DIS3L2: variants seen among roughly 807,000 people sequenced by gnomAD.
DIS3L2 encodes the protein DIS3 like 3'-5' exoribonuclease 2.
Under a neutral mutation model 97.5 loss-of-function variants are expected in DIS3L2, and 34 were observed. The observed-to-expected ratio is 0.35, with a 90% confidence interval of 0.27 to 0.46. The LOEUF (loss-of-function observed/expected upper bound fraction) is 0.46, where lower values mean the gene tolerates loss of function less well. Among genes scored for constraint, DIS3L2 ranks in the 20% least tolerant of loss-of-function variants. DIS3L2 has a pLI of 1.00. For missense variants in DIS3L2, 1,038 were observed against 1,146.0 expected, an observed-to-expected ratio of 0.91 and a Z score of 1.36; for synonymous variants, 435 against 445.2, an observed-to-expected ratio of 0.98 and a Z score of 0.29.
chr2:232,216,731 T>C (rs553109612), intron 10 of DIS3L2, among the ~76,000 whole-genome samples: 93 of 152,302 alleles, frequency 6.1e-4, no homozygotes, highest in African/African-American at 2.1e-3. Flanking sequence ...AACACAGGCA[T>C]GAGAAGAGTT....
intron 1 of DIS3L2, among the ~76,000 whole-genome samples, chr2:231,974,198 T>G (rs1559506349): frequency 6.6e-6 from 1 of 152,070 alleles, no homozygotes; most frequent in Non-Finnish European, 1.5e-5. Context: ...CTTGTCTCTG[T>G]GTGCACAAGT....
chr2:232,014,897 T>C lies in DIS3L2; in HGVS notation c.-31T>C. ...GCTAAGCAGTGGAGGTTTCTCTGGA[T>C]CTGGAGAGAAGAGTGACCTTGGAGC... On this transcript the variant is annotated 5_prime_UTR_variant, in exon 2 of 21. Coordinates refer to ENST00000325385, the MANE Select transcript of DIS3L2 (RefSeq NM_152383.5). 6.2e-7 allele frequency: 1 copy of C among 1,612,768 alleles called. No homozygotes were observed. The highest frequency in any genetic ancestry group is 8.5e-7 in the Non-Finnish European group (1 of 1,179,330).
At chr2:232,006,911 C>G (rs1199711537) in intron 1 of DIS3L2, among the ~76,000 whole-genome samples, 2 of 152,172 alleles carry the variant, frequency 1.3e-5, no homozygotes, top group African/African-American at 2.4e-5. Context: ...GAGGATTTTT[C>G]TTTCTAGGAA....
At chr2:232,054,474 T>A (rs1371576734) in intron 5 of DIS3L2, among the ~76,000 whole-genome samples, 1 of 152,206 alleles carries the variant, frequency 6.6e-6, no homozygotes, top group Non-Finnish European at 1.5e-5. Context: ...TTTTCTAATT[T>A]GAAAGGAAAA....
At chr2:231,969,296 A>T (rs1394138422) in intron 1 of DIS3L2, among the ~76,000 whole-genome samples, 1 of 145,982 alleles carries the variant, frequency 6.9e-6, no homozygotes, top group Non-Finnish European at 1.5e-5. Context: ...CTTAGTTCTT[A>T]TTAGTCCTAG....
intron 6 of DIS3L2, among the ~76,000 whole-genome samples, chr2:232,115,252 A>G (rs562775966): frequency 3.3e-5 from 5 of 152,308 alleles, no homozygotes; most frequent in African/African-American, 1.2e-4. Context: ...TTCAAGGAAC[A>G]AAGGAATGCC....
intron 6 of DIS3L2, among the ~76,000 whole-genome samples, chr2:232,118,642 A>G (rs540021631): frequency 2.6e-5 from 4 of 152,156 alleles, no homozygotes; most frequent in Admixed American, 6.5e-5. Flanking sequence ...AGTTGCTCTC[A>G]TGTTTAATTC....
At chr2:232,117,448 A>G (rs550189934) in intron 6 of DIS3L2, among the ~76,000 whole-genome samples, 1 of 152,342 alleles carries the variant, frequency 6.6e-6, no homozygotes, top group Non-Finnish European at 1.5e-5. Context: ...ATGGAAGGGA[A>G]AGCACCTTAA....
chr2:231,986,769 A>C (rs932682561), intron 1 of DIS3L2, among the ~76,000 whole-genome samples: 1 of 152,226 alleles, frequency 6.6e-6, no homozygotes, highest in Admixed American at 6.5e-5. Context: ...TTTTGACTTC[A>C]GAAGCCTGTT....
At chr2:232,229,179 T>G (rs530874420) in intron 10 of DIS3L2, among the ~76,000 whole-genome samples, 2 of 152,336 alleles carry the variant, frequency 1.3e-5, no homozygotes, top group South Asian at 4.1e-4. Flanking sequence ...CAGTCCTGCC[T>G]CTTCTCTTTT....
chr2:232,210,266 T>G lies in DIS3L2; in HGVS notation c.1125-60T>G, dbSNP rs1040809575. The G allele has an allele frequency of 3.8e-6, 5 of 1,319,878 alleles. No homozygotes were observed. In the Admixed American group the frequency reaches 5.1e-5, roughly 13 times the overall value. The allele number at this position is 1,319,878 out of a possible 1,614,324, so 81.8% of individuals were successfully genotyped here. ...TTCACTGTTCTTTAAAGCTGTACTA[T>G]GGTGGGGTAAAGTTGCTATTATTTG... On this transcript the variant is annotated intron_variant, in intron 9 of 20. Coordinates refer to ENST00000325385, the MANE Select transcript of DIS3L2 (RefSeq NM_152383.5).
intron 13 of DIS3L2, among the ~76,000 whole-genome samples, chr2:232,285,097 T>G (rs1053917426): frequency 2.0e-5 from 3 of 152,192 alleles, no homozygotes; most frequent in Admixed American, 6.5e-5. Flanking sequence ...GATCTTAATT[T>G]TTGTTGTTGT....
chr2:232,134,636 A>T (rs1020744334), intron 7 of DIS3L2, among the ~76,000 whole-genome samples: 6 of 152,072 alleles, frequency 3.9e-5, no homozygotes, highest in African/African-American at 1.4e-4. Flanking sequence ...ACCAGCCTGG[A>T]CAACATAGTG....
At chr2:232,239,093 A>T (rs1693012453) in intron 11 of DIS3L2, among the ~76,000 whole-genome samples, 1 of 152,180 alleles carries the variant, frequency 6.6e-6, no homozygotes, top group Non-Finnish European at 1.5e-5. Context: ...GCCCATTACA[A>T]GATAGCTATG....
chr2:232,069,328 TAAAAGGGG>T (rs1258530066), intron 5 of DIS3L2, among the ~76,000 whole-genome samples: 1 of 152,252 alleles, frequency 6.6e-6, no homozygotes, highest in African/African-American at 2.4e-5. Flanking sequence ...GTTGTGATTC[TAAAAGGGG>T]AATAATCTTT....
At chr2:232,115,196 A>T (rs1697666462) in intron 6 of DIS3L2, among the ~76,000 whole-genome samples, 1 of 152,136 alleles carries the variant, frequency 6.6e-6, no homozygotes, top group African/African-American at 2.4e-5. Flanking sequence ...GGAAAGGGAC[A>T]AATATTCAAA....
chr2:232,034,036 A>G (rs949331649), intron 5 of DIS3L2, among the ~76,000 whole-genome samples: 1 of 152,206 alleles, frequency 6.6e-6, no homozygotes. Context: ...TACTTTCAGA[A>G]GGAATGATAC....
chr2:231,988,914 A>T (rs189363932), intron 1 of DIS3L2, among the ~76,000 whole-genome samples: 2 of 152,322 alleles, frequency 1.3e-5, no homozygotes, highest in Admixed American at 1.3e-4. Context: ...GAACCTAGGG[A>T]AAATTACTTT....
intron 5 of DIS3L2, among the ~76,000 whole-genome samples, chr2:232,039,337 T>C (rs1695044389): frequency 6.6e-6 from 1 of 152,194 alleles, no homozygotes; most frequent in South Asian, 2.1e-4. Flanking sequence ...TACAGGTTTG[T>C]TAGTACAAAA....
Sources: gnomAD v4.1 joint callset for allele counts (sites outside exome capture counted in the v4.1 genomes callset) on GRCh38, gnomAD v4.1.1 for gene constraint, MANE v1.5 for transcripts, NCBI Gene and HGNC (gene_info 2026-07-23, HGNC 2026-07-21) for gene names.